THOC5: variants seen among roughly 807,000 people sequenced by gnomAD.
THOC5 encodes Fms-interacting protein.
Under a neutral mutation model 92.9 loss-of-function variants are expected in THOC5, and 43 were observed. That is an observed-to-expected ratio of 0.46 (90% CI 0.36 to 0.60). THOC5 has a LOEUF of 0.60. THOC5 is among the 20% of genes least tolerant of loss of function. The pLI is 0.00. For missense variants in THOC5, 659 were observed against 849.4 expected (o/e 0.78, Z 2.79); for synonymous variants, 296 against 320.1 (o/e 0.92, Z 0.80).
chr22:29,523,054 C>T (rs2063475941), intron 12 of THOC5, among the ~76,000 whole-genome samples: 1 of 150,270 alleles, frequency 6.7e-6, no homozygotes, highest in South Asian at 2.1e-4. Context: ...CTGGCCTGGC[C>T]AACATGGCAA....
intron 7 of THOC5, among the ~76,000 whole-genome samples, chr22:29,532,268 T>TG (rs1177685946): frequency 6.6e-6 from 1 of 152,010 alleles, no homozygotes; most frequent in Non-Finnish European, 1.5e-5. Flanking sequence ...AAGAGCAGCC[T>TG]GGGTAACTTA....
At chr22:29,532,011 C>A in intron 7 of THOC5, 48 bp from the exon 8 acceptor site, 1 of 1,595,036 alleles carries the variant, frequency 6.3e-7, no homozygotes, top group African/African-American at 1.3e-5. Context: ...AGCCAGTCCA[C>A]ACAGGAAAAA....
intron 2 of THOC5, among the ~76,000 whole-genome samples, 192 bp downstream of exon 2, chr22:29,548,860 G>A (rs1241445975): frequency 6.6e-6 from 1 of 152,158 alleles, no homozygotes; most frequent in Non-Finnish European, 1.5e-5. Flanking sequence ...TGGTTTTGGA[G>A]ATGCTGCAGC....
intron 8 of THOC5, 99 bp from the exon 9 acceptor site, chr22:29,529,338 C>G: frequency 7.9e-7 from 1 of 1,272,616 alleles, no homozygotes; most frequent in South Asian, 1.2e-5. Context: ...CCACCTCTGC[C>G]CAGCTCCTTG....
At chr22:29,529,070 C>T in intron 9 of THOC5, 92 bp downstream of exon 9, 2 of 1,257,428 alleles carry the variant, frequency 1.6e-6, no homozygotes, top group South Asian at 1.2e-5. Context: ...TCCTGCTACA[C>T]AGAACTAGTC....
At chr22:29,513,722 G>A (rs1259523184) in intron 17 of THOC5, among the ~76,000 whole-genome samples, 4 of 152,142 alleles carry the variant, frequency 2.6e-5, no homozygotes, top group Admixed American at 6.6e-5. Flanking sequence ...TTCTGGCCAG[G>A]CGTCGTGGCT....
In THOC5 at chr22:29,525,861, C is replaced by T; in HGVS notation, c.1152G>A (p.Glu384=). Residue 384 remains glutamate (E), a synonymous_variant, in exon 12 of 20, where the codon GAG becomes GAA. Coordinates refer to ENST00000490103, the MANE Select transcript of THOC5 (RefSeq NM_003678.5). Reference sequence around the variant, plus strand: ...ACCCTGCACTGATGGGGGTGATCAGCTCCATGGCAGTTGTCACTTTGGCTT... The same window carrying T: ...ACCCTGCACTGATGGGGGTGATCAGTTCCATGGCAGTTGTCACTTTGGCTT... The part of the protein sequence containing the change: ...TVKAKVTTAM[E]LITPISAGDL... 1 of 1,614,006 alleles carries T rather than the reference C, an allele frequency of 6.2e-7. No individual in the cohort carries two copies. Among genetic ancestry groups the T allele is most frequent in the Non-Finnish European group, 8.5e-7 (1 of 1,179,976 alleles).
intron 19 of THOC5, among the ~76,000 whole-genome samples, chr22:29,509,670 G>A (rs1020649971): frequency 4.7e-5 from 7 of 149,814 alleles, no homozygotes; most frequent in African/African-American, 9.8e-5. Context: ...AGAACAAGGT[G>A]AGGGAGAGGT....
chr22:29,540,049 G>A (rs10427824), intron 5 of THOC5, among the ~76,000 whole-genome samples: 21,387 of 152,190 alleles, frequency 0.14, 1,962 homozygotes, highest in East Asian at 0.42. Context: ...GGAGGCCAAG[G>A]CAGGTGGATT....
rs771500992 is a variant in THOC5, at chr22:29,517,317, G to T, written c.1539C>A (p.Ala513=). 2 of 1,614,204 alleles carry T rather than the reference G, an allele frequency of 1.2e-6. No homozygotes were observed. The highest frequency in any genetic ancestry group is 2.2e-5 in the East Asian group (1 of 44,890). The change falls in exon 16 of 20, where the codon GCC becomes GCA. Residue 513 remains alanine (A), a synonymous_variant. Coordinates refer to ENST00000490103, the MANE Select transcript of THOC5 (RefSeq NM_003678.5). ...ATTTCACCAGGCGAGAGACAACCTTGGCAGGGAAGAGGTACTGGCAATCAC... is the reference window on the plus strand; with the variant it reads ...ATTTCACCAGGCGAGAGACAACCTTTGCAGGGAAGAGGTACTGGCAATCAC... ...VTSDCQYLFP[A]KVVSRLVKWV...
At chr22:29,532,148 A>G (rs1306959764) in intron 7 of THOC5, among the ~76,000 whole-genome samples, 185 bp from the exon 8 acceptor site, 1 of 152,232 alleles carries the variant, frequency 6.6e-6, no homozygotes, top group Non-Finnish European at 1.5e-5. Flanking sequence ...ACAAACAGTA[A>G]GGAAATAAAA....
At chr22:29,548,860 G>T (rs1241445975) in intron 2 of THOC5, among the ~76,000 whole-genome samples, 192 bp downstream of exon 2, 2 of 152,158 alleles carry the variant, frequency 1.3e-5, no homozygotes, top group Non-Finnish European at 2.9e-5. Flanking sequence ...TGGTTTTGGA[G>T]ATGCTGCAGC....
chr22:29,527,305 G>C (rs538357500), intron 11 of THOC5, among the ~76,000 whole-genome samples: 1 of 152,118 alleles, frequency 6.6e-6, no homozygotes, highest in Non-Finnish European at 1.5e-5. Context: ...TGTAGCCCCC[G>C]CTACTTGGGA....
intron 2 of THOC5, among the ~76,000 whole-genome samples, chr22:29,547,170 T>C (rs2064040206): frequency 6.6e-6 from 1 of 152,066 alleles, no homozygotes; most frequent in Non-Finnish European, 1.5e-5. Context: ...GGTTTGCTAC[T>C]TAGAAATTTC....
intron 4 of THOC5, 46 bp downstream of exon 4, chr22:29,543,383 G>C (rs2063941595): frequency 7.9e-7 from 1 of 1,270,606 alleles, no homozygotes; most frequent in African/African-American, 1.5e-5. Context: ...GAAGGGGATG[G>C]GGAGGAGGAA....
At chr22:29,535,272 A>AC (rs1018586366) in intron 7 of THOC5, 7 of 151,786 alleles carry the variant, frequency 4.6e-5, no homozygotes, top group Admixed American at 4.6e-4. Flanking sequence ...AAAAAAAAAA[A>AC]AAAAAAAAGC....
At position 29,507,298 on chromosome 22, in the gene THOC5, T is replaced by C. The variant is rs2146415114; in HGVS notation, c.*1159A>G. The stretch of plus-strand genomic sequence containing the variant: ...TAGACTATTCAACCCTGAGACAGTA[T>C]GTGAAGACCTTTATGGTGATCCACT... On this transcript the variant is annotated 3_prime_UTR_variant, in exon 20 of 20. Coordinates refer to ENST00000490103, the MANE Select transcript of THOC5 (RefSeq NM_003678.5). 6.6e-6 allele frequency: 1 copy of C among 152,334 alleles called. No homozygotes were observed. Among genetic ancestry groups the C allele is most frequent in the Non-Finnish European group, 1.5e-5 (1 of 68,040 alleles). The allele number at this position is 152,334 out of a possible 1,614,324, so 9.4% of individuals were successfully genotyped here.
chr22:29,530,637 T>C (rs2063634647), intron 8 of THOC5, among the ~76,000 whole-genome samples: 1 of 152,192 alleles, frequency 6.6e-6, no homozygotes, highest in Admixed American at 6.5e-5. Context: ...ATAAGGCTGA[T>C]AAACCAGGAT....
chr22:29,511,411 G>GT, intron 18 of THOC5, 115 bp from the exon 19 acceptor site: 1 of 1,175,750 alleles, frequency 8.5e-7, no homozygotes, highest in South Asian at 1.4e-5. Context: ...CAGGGGCTGG[G>GT]CCAGGGGCTA....
Sources: allele counts gnomAD v4.1 joint callset (sites outside exome capture counted in the v4.1 genomes callset), GRCh38; gene constraint gnomAD v4.1.1; transcripts MANE v1.5; gene names NCBI Gene and HGNC (gene_info 2026-07-23, HGNC 2026-07-21).